Variants in DRC8 observed in about 807,000 individuals in gnomAD.
DRC8 encodes the protein dynein regulatory complex protein 8.
At chr1:244,994,916 G>A in the DRC8 span, among the ~76,000 whole-genome samples, 5 of 152,122 alleles carry the variant, frequency 3.3e-5, no homozygotes, top group African/African-American at 1.2e-4. Flanking sequence ...CCCTAAATTT[G>A]ATCTTTAAGA....
the DRC8 span, among the ~76,000 whole-genome samples, chr1:245,074,739 C>T: frequency 2.6e-4 from 4 of 15,342 alleles, no homozygotes; most frequent in African/African-American, 3.6e-4. Flanking sequence ...AAGTAAGTGG[C>T]TTTAAAATTT....
chr1:245,004,704 C>T, the DRC8 span, among the ~76,000 whole-genome samples: 3 of 152,176 alleles, frequency 2.0e-5, no homozygotes, highest in Non-Finnish European at 4.4e-5. Flanking sequence ...ATAAAACAGA[C>T]ATTTCCTTTC....
At chr1:245,112,044 A>T in the DRC8 span, among the ~76,000 whole-genome samples, 2 of 152,118 alleles carry the variant, frequency 1.3e-5, 1 homozygote, top group South Asian at 4.1e-4. Flanking sequence ...AGGAAAAAAG[A>T]TAATCTGGAA....
At chr1:245,034,391 A>G in the DRC8 span, among the ~76,000 whole-genome samples, 4 of 152,116 alleles carry the variant, frequency 2.6e-5, no homozygotes, top group Non-Finnish European at 5.9e-5. Context: ...TTTTGAGGTC[A>G]GGAGTTCAAG....
chr1:245,022,100 A>G, the DRC8 span, among the ~76,000 whole-genome samples: 2 of 151,728 alleles, frequency 1.3e-5, no homozygotes, highest in East Asian at 3.9e-4. Context: ...GCAGGTTTTC[A>G]ATATCACTAA....
chr1:245,034,600 C>CAAAAAAAAAAAAAAAA, the DRC8 span, among the ~76,000 whole-genome samples: 1 of 39,492 alleles, frequency 2.5e-5, no homozygotes, highest in Non-Finnish European at 4.1e-5. Flanking sequence ...GACTCCATCT[C>CAAAAAAAAAAAAAAAA]AAAAAAAAAA....
At chr1:245,047,480 C>T in the DRC8 span, among the ~76,000 whole-genome samples, 3 of 150,886 alleles carry the variant, frequency 2.0e-5, no homozygotes, top group African/African-American at 7.3e-5. Flanking sequence ...ACTAAAAATA[C>T]AAAACTTAGC....
chr1:245,106,481 C>A, the DRC8 span, among the ~76,000 whole-genome samples: 3 of 151,708 alleles, frequency 2.0e-5, no homozygotes, highest in East Asian at 1.9e-4. Flanking sequence ...CATTTACAAC[C>A]ATTTAAATAT....
chr1:245,020,166 G>A, the DRC8 span, among the ~76,000 whole-genome samples: 1 of 152,138 alleles, frequency 6.6e-6, no homozygotes, highest in African/African-American at 2.4e-5. Context: ...AGAGGTCTAG[G>A]TCTTAGAATT....
At chr1:244,979,867 A>G in the DRC8 span, among the ~76,000 whole-genome samples, 13 of 151,764 alleles carry the variant, frequency 8.6e-5, no homozygotes, top group African/African-American at 3.1e-4. Context: ...ATGGGTTAGG[A>G]GATGTGGGAA....
the DRC8 span, among the ~76,000 whole-genome samples, chr1:244,998,173 A>C: frequency 1.3e-5 from 2 of 151,892 alleles, no homozygotes; most frequent in African/African-American, 4.8e-5. Flanking sequence ...CCTAATTTCC[A>C]GAGGTACTCT....
chr1:244,970,693 T>TTCCCTCCCTCTTCTCTCTCCCCTCC, the DRC8 span: 1 of 368,050 alleles, frequency 2.7e-6, no homozygotes, highest in Non-Finnish European at 4.4e-6. Flanking sequence ...CTCTCCCCTC[T>TTCCCTCCCTCTTCTCTCTCCCCTCC]TCCCTCCCTC....
chr1:245,103,638 G>A, the DRC8 span, among the ~76,000 whole-genome samples: 9 of 143,800 alleles, frequency 6.3e-5, no homozygotes, highest in Non-Finnish European at 1.2e-4. Context: ...GTCAGGAGGG[G>A]GGACCAGAGA....
chr1:244,970,740 C>T, the DRC8 span: 17 of 470,768 alleles, frequency 3.6e-5, no homozygotes. Flanking sequence ...TCTTTCTCCT[C>T]CCGCCCTCTT....
chr1:245,041,463 G>A, the DRC8 span, among the ~76,000 whole-genome samples: 6 of 152,164 alleles, frequency 3.9e-5, no homozygotes, highest in Non-Finnish European at 7.3e-5. Context: ...GCCATCAAGA[G>A]CAGAAGCAGA....
the DRC8 span, among the ~76,000 whole-genome samples, chr1:245,024,608 C>G: frequency 6.7e-6 from 1 of 148,362 alleles, no homozygotes; most frequent in Non-Finnish European, 1.5e-5. Context: ...AGTGCAGTGG[C>G]ACGATCTCAG....
the DRC8 span, among the ~76,000 whole-genome samples, chr1:245,061,844 G>T: frequency 6.6e-6 from 1 of 152,174 alleles, no homozygotes; most frequent in Admixed American, 6.6e-5. Flanking sequence ...AGCAGCTCAC[G>T]CCTGCAATCC....
chr1:245,076,919 G>A, the DRC8 span, among the ~76,000 whole-genome samples: 1 of 152,072 alleles, frequency 6.6e-6, no homozygotes, highest in African/African-American at 2.4e-5. Flanking sequence ...TAGAGATGGG[G>A]TTTCGCCGTG....
the DRC8 span, chr1:245,017,282 A>G: frequency 1.2e-6 from 2 of 1,610,128 alleles, no homozygotes; most frequent in East Asian, 2.2e-5. Context: ...TCAAAGAGGC[A>G]TTTGAAGTCT....
Sources: gnomAD v4.1 joint callset for allele counts (sites outside exome capture counted in the v4.1 genomes callset) on GRCh38, gnomAD v4.1.1 for gene constraint, MANE v1.5 for transcripts, NCBI Gene and HGNC (gene_info 2026-07-23, HGNC 2026-07-21) for gene names.